The following KCNT2 variants were observed in gnomAD, a reference collection of about 807,000 sequenced individuals.
KCNT2 encodes the protein potassium sodium-activated channel subfamily T member 2, also known as potassium channel subfamily T member 2.
A neutral mutation model predicts 153.8 loss-of-function variants in KCNT2; 67 were observed. That is an observed-to-expected ratio of 0.44 (90% confidence interval 0.36 to 0.53). KCNT2 has a LOEUF of 0.53. Ranked by LOEUF, KCNT2 falls within the 20% of genes least tolerant of loss-of-function variation. The probability of loss-of-function intolerance (pLI) is 0.00; values close to 1 mark genes in which losing one functional copy is unlikely to be tolerated. For synonymous variants in KCNT2, 500 were observed against 458.8 expected (o/e 1.09, Z -1.15); for missense variants, 975 against 1,354.8 (o/e 0.72, Z 4.40).
chr1:196,276,418 C>G (rs746772049), intron 25 of KCNT2, among the ~76,000 whole-genome samples: 11 of 151,994 alleles, frequency 7.2e-5, no homozygotes, highest in Non-Finnish European at 1.5e-5. Context: ...TCTTTGGCAA[C>G]TTTCTAATAT....
chr1:196,350,851 T>A (rs1666616461), intron 14 of KCNT2, among the ~76,000 whole-genome samples: 1 of 152,132 alleles, frequency 6.6e-6, no homozygotes, highest in Non-Finnish European at 1.5e-5. Context: ...AACGTTTAAG[T>A]CTTTAATCCA....
intron 12 of KCNT2, among the ~76,000 whole-genome samples, chr1:196,402,923 A>G (rs1238203839): frequency 6.6e-6 from 1 of 151,690 alleles, no homozygotes. Flanking sequence ...ACCAAATACT[A>G]GAGAGGACAC....
chr1:196,271,174 A>G (rs1439001674), intron 25 of KCNT2, among the ~76,000 whole-genome samples: 1 of 152,014 alleles, frequency 6.6e-6, no homozygotes, highest in Non-Finnish European at 1.5e-5. Context: ...AAAGAATACT[A>G]TAAGACCTGG....
intron 13 of KCNT2, among the ~76,000 whole-genome samples, chr1:196,383,935 T>C (rs1303338390): frequency 6.6e-6 from 1 of 152,186 alleles, no homozygotes; most frequent in Non-Finnish European, 1.5e-5. Flanking sequence ...AAAAAATGCA[T>C]AGTTATTTTT....
chr1:196,263,538 T>C (rs1657233915), intron 25 of KCNT2, among the ~76,000 whole-genome samples: 1 of 152,048 alleles, frequency 6.6e-6, no homozygotes, highest in South Asian at 2.1e-4. Context: ...CTAATGTAGA[T>C]TGCTGGTTGA....
chr1:196,233,188 A>T (rs990373983), intron 27 of KCNT2, among the ~76,000 whole-genome samples: 1 of 151,494 alleles, frequency 6.6e-6, no homozygotes, highest in Non-Finnish European at 1.5e-5. Context: ...TATAAATTCA[A>T]TATCACCATC....
At chr1:196,607,267 A>G (rs1234602394) in intron 1 of KCNT2, among the ~76,000 whole-genome samples, 3 of 152,354 alleles carry the variant, frequency 2.0e-5, no homozygotes, top group South Asian at 4.1e-4. Context: ...AAACATTTCA[A>G]TTGAGTTGAG....
At position 196,380,634 on chromosome 1, in the gene KCNT2, C is replaced by T. The variant is rs117469167; in HGVS notation, c.1295-7386G>A. Among the ~76,000 whole-genome samples the T allele has an allele frequency of 1.2e-3, 189 of 152,130 alleles. 2 individuals are homozygous for T. The East Asian group carries it at 0.015, about 12-fold the overall frequency. ...GGAAAATGGCTTTTAAATAGAAAAA[C>T]GAACCAGGGTGGATTTTAAAATCTA... On this transcript the variant is annotated intron_variant, in intron 13 of 27. Transcript: ENST00000294725.
intron 1 of KCNT2, among the ~76,000 whole-genome samples, chr1:196,589,966 C>T (rs997639196): frequency 1.5e-4 from 23 of 151,936 alleles, no homozygotes; most frequent in African/African-American, 5.6e-4. Context: ...TTTTTGTAGC[C>T]ATTGTTGTTT....
intron 18 of KCNT2, 66 bp from the exon 19 acceptor site, chr1:196,326,955 A>ACATTTTATCTTTTGGAC: frequency 1.2e-6 from 1 of 843,076 alleles, no homozygotes. Flanking sequence ...GAGAAAATTT[A>ACATTTTATCTTTTGGAC]AGCTATAGGA....
intron 9 of KCNT2, among the ~76,000 whole-genome samples, chr1:196,429,337 A>T (rs1057278826): frequency 6.6e-5 from 10 of 151,344 alleles, no homozygotes; most frequent in Non-Finnish European, 1.3e-4. Context: ...ATCTTGAATG[A>T]TTGAAATAAG....
intron 22 of KCNT2, among the ~76,000 whole-genome samples, chr1:196,292,529 G>T (rs981659527): frequency 1.3e-5 from 2 of 152,172 alleles, no homozygotes; most frequent in Non-Finnish European, 2.9e-5. Context: ...GGAAGTGGCC[G>T]GGCGCAGTGG....
chr1:196,406,146 T>C (rs1474475811), intron 12 of KCNT2, among the ~76,000 whole-genome samples: 1 of 151,382 alleles, frequency 6.6e-6, no homozygotes, highest in Non-Finnish European at 1.5e-5. Context: ...TGTAGACTGT[T>C]AAAAAGTATA....
chr1:196,427,915 A>C (rs1478240662), intron 10 of KCNT2, among the ~76,000 whole-genome samples, 190 bp downstream of exon 10: 1 of 152,074 alleles, frequency 6.6e-6, no homozygotes, highest in Non-Finnish European at 1.5e-5. Context: ...GAAACTTAAA[A>C]TACTGAGTAT....
intron 1 of KCNT2, among the ~76,000 whole-genome samples, chr1:196,528,127 C>T (rs1007131323): frequency 1.3e-5 from 2 of 152,118 alleles, no homozygotes; most frequent in African/African-American, 2.4e-5. Context: ...TCAAAACATC[C>T]GGTTTCATTT....
intron 1 of KCNT2, among the ~76,000 whole-genome samples, chr1:196,529,366 C>T (rs868858146): frequency 6.6e-6 from 1 of 152,088 alleles, no homozygotes; most frequent in Non-Finnish European, 1.5e-5. Context: ...CATTTCGACC[C>T]CTTGATGTTA....
intron 8 of KCNT2, among the ~76,000 whole-genome samples, chr1:196,438,651 C>T (rs1404270896): frequency 6.6e-6 from 1 of 151,828 alleles, no homozygotes; most frequent in Non-Finnish European, 1.5e-5. Context: ...AGATTAAGCA[C>T]TATTTCAGTG....
chr1:196,267,650 C>T (rs1657673303), intron 25 of KCNT2, among the ~76,000 whole-genome samples: 1 of 152,152 alleles, frequency 6.6e-6, no homozygotes, highest in South Asian at 2.1e-4. Flanking sequence ...AAAAACTATC[C>T]TCCTTGGTTA....
intron 13 of KCNT2, among the ~76,000 whole-genome samples, chr1:196,388,056 A>G (rs888020324): frequency 2.0e-4 from 30 of 151,332 alleles, no homozygotes; most frequent in Admixed American, 1.1e-3. Context: ...CACTTTTTAC[A>G]TTTAAGAGTA....
Sources: allele counts gnomAD v4.1 joint callset (sites outside exome capture counted in the v4.1 genomes callset), GRCh38; gene constraint gnomAD v4.1.1; transcripts MANE v1.5; gene names NCBI Gene and HGNC (gene_info 2026-07-23, HGNC 2026-07-21).